Variants in MLKL observed in about 807,000 individuals in gnomAD.
MLKL encodes the protein mixed lineage kinase domain like pseudokinase.
A neutral mutation model predicts 56.5 loss-of-function variants in MLKL; 55 were observed. The observed-to-expected ratio is 0.97, with a 90% confidence interval of 0.78 to 1.22. MLKL has a LOEUF of 1.22. MLKL is among the 50% of genes most tolerant of loss of function. The pLI, the probability that MLKL is intolerant of heterozygous loss-of-function variation, is 0.00. For synonymous variants in MLKL, 251 were observed against 208.3 expected, an observed-to-expected ratio of 1.20 and a Z score of -1.76; for missense variants, 694 against 573.9, an observed-to-expected ratio of 1.21 and a Z score of -2.14.
Position 74,686,948 on chromosome 16 carries a change from C to G in MLKL, c.723-1365G>C, listed in dbSNP as rs140968060. On this transcript the variant is annotated intron_variant, in intron 4 of 10. Transcript: ENST00000308807. Reference sequence around the variant, plus strand: ...AAGTCTCACCCTGAAAATTTTGTACCTAAATTGTTGAAAGAATTTTGTTTT... The same window carrying G: ...AAGTCTCACCCTGAAAATTTTGTACGTAAATTGTTGAAAGAATTTTGTTTT... Among the ~76,000 whole-genome samples, 15 of 152,186 alleles carry G rather than the reference C, an allele frequency of 9.9e-5. No individual in the cohort carries two copies. In the East Asian group the frequency reaches 2.9e-3, roughly 29 times the overall value.
Position 74,698,086 on chromosome 16 carries a change from T to A in MLKL, c.-2-2327A>T, listed in dbSNP as rs117735118. On this transcript the variant is annotated intron_variant, in intron 1 of 10. Transcript: ENST00000308807. ...TGGATGTGGTGGTGCTTGCCTGTAG[T>A]CCCAGCTACTCTGGAGCCTGAGGAG... Among the ~76,000 whole-genome samples, 1,443 of 151,954 alleles carry A rather than the reference T, an allele frequency of 9.5e-3. 7 individuals carry two copies. The highest frequency in any genetic ancestry group is 0.015 in the Non-Finnish European group (1,026 of 67,968).
intron 4 of MLKL, among the ~76,000 whole-genome samples, chr16:74,687,812 G>A (rs1018909778): frequency 2.0e-5 from 3 of 151,908 alleles, no homozygotes; most frequent in African/African-American, 4.8e-5. Context: ...GGGACTACAG[G>A]TGCCTGCCAC....
At chr16:74,697,416 T>C (rs1961109328) in intron 1 of MLKL, among the ~76,000 whole-genome samples, 1 of 152,208 alleles carries the variant, frequency 6.6e-6, no homozygotes, top group East Asian at 1.9e-4. Context: ...TTGCTTTATT[T>C]GCAACTGAAG....
In MLKL at chr16:74,695,581, G is replaced by C; in HGVS notation, c.177C>G (p.Thr59=). 6.2e-7 allele frequency: 1 copy of C among 1,614,206 alleles called. No homozygotes were observed. The highest frequency in any genetic ancestry group is 8.5e-7 in the Non-Finnish European group (1 of 1,180,048). The change falls in exon 2 of 11, where the codon ACC becomes ACG. Residue 59 remains threonine, a synonymous_variant. Coordinates refer to ENST00000308807, the MANE Select transcript of MLKL (RefSeq NM_152649.4). ...GKRSVPSEKL[T]TAMNRFKAAL... The stretch of plus-strand genomic sequence containing the variant: ...CAGCCTTGAAGCGGTTCATGGCTGT[G>C]GTTAACTTCTCAGAGGGCACGCTCC...
chr16:74,695,550 C>A lies in MLKL; in HGVS notation c.208G>T (p.Glu70Ter), dbSNP rs1341252206. 6.2e-7 allele frequency: 1 copy of A among 1,614,082 alleles called. No individual in the cohort carries two copies. The highest frequency in any genetic ancestry group is 8.5e-7 in the Non-Finnish European group (1 of 1,180,062). Reference protein sequence around the residue: ...TAMNRFKAALEEANGEIEKFS... With the variant: ...TAMNRFKAAL Reference sequence around the variant, plus strand: ...TTTTCTATCTCCCCATTAGCCTCCTCCAGGGCAGCCTTGAAGCGGTTCATG... The same window carrying A: ...TTTTCTATCTCCCCATTAGCCTCCTACAGGGCAGCCTTGAAGCGGTTCATG... The change falls in exon 2 of 11, where the codon GAG becomes TAG. Residue 70 changes from glutamate to a stop codon, truncating the protein, a stop_gained. Transcript: ENST00000308807. LOFTEE classifies it high-confidence loss of function.
At chr16:74,698,295 G>C (rs1961172343) in intron 1 of MLKL, among the ~76,000 whole-genome samples, 1 of 151,994 alleles carries the variant, frequency 6.6e-6, no homozygotes, top group Non-Finnish European at 1.5e-5. Context: ...GAAATAGGTA[G>C]GTTAAGTATT....
chr16:74,684,000 T>C (rs1709145060), intron 5 of MLKL, among the ~76,000 whole-genome samples: 1 of 152,126 alleles, frequency 6.6e-6, no homozygotes, highest in Non-Finnish European at 1.5e-5. Context: ...CAGGCTGGAG[T>C]GCAGTGGCAT....
chr16:74,688,574 C>T (rs1338303079), intron 4 of MLKL, among the ~76,000 whole-genome samples: 2 of 151,876 alleles, frequency 1.3e-5, no homozygotes, highest in Non-Finnish European at 2.9e-5. Flanking sequence ...ATTAACTGGG[C>T]CTGGTGGTGC....
At chr16:74,695,213 C>A in intron 2 of MLKL, 85 bp downstream of exon 2, 1 of 1,397,662 alleles carries the variant, frequency 7.2e-7, no homozygotes, top group Non-Finnish European at 9.8e-7. Flanking sequence ...GCTCAAACTT[C>A]ATCATTGCTG....
At chr16:74,676,428 A>G in intron 7 of MLKL, 1 of 985,442 alleles carries the variant, frequency 1.0e-6, no homozygotes, top group Non-Finnish European at 1.2e-6. Flanking sequence ...ACCCAAATCT[A>G]GGGGCAATGT....
At chr16:74,680,134 G>A (rs532064407) in intron 6 of MLKL, among the ~76,000 whole-genome samples, 46 of 152,290 alleles carry the variant, frequency 3.0e-4, no homozygotes, top group African/African-American at 1.0e-3. Flanking sequence ...GGGTGAAAGG[G>A]CTCCAGTGCC....
chr16:74,676,141 G>A lies in MLKL; in HGVS notation c.1039-377C>T, dbSNP rs528527964. 3.4e-3 allele frequency: 1,779 copies of A among 529,552 alleles called. 6 individuals carry two copies. Among genetic ancestry groups the A allele is most frequent in the Non-Finnish European group, 3.5e-3 (1,430 of 406,950 alleles). The allele number at this position is 529,552 out of a possible 1,614,324, so 32.8% of individuals were successfully genotyped here. A position where few individuals can be genotyped will look rare whatever the true frequency, so the allele number is the denominator to read the frequency against. On this transcript the variant is annotated intron_variant, in intron 7 of 10. Coordinates refer to ENST00000308807, the MANE Select transcript of MLKL (RefSeq NM_152649.4). Reference sequence around the variant, plus strand: ...CTCCACTCAGTGAGAGTGGAGAGGGGTCATAGAGCCACTGCCTGGCTCGCC... The same window carrying A: ...CTCCACTCAGTGAGAGTGGAGAGGGATCATAGAGCCACTGCCTGGCTCGCC...
chr16:74,678,799 AAACT>A (rs1959763265), intron 7 of MLKL, 96 bp downstream of exon 7: 1 of 843,898 alleles, frequency 1.2e-6, no homozygotes, highest in Non-Finnish European at 1.9e-6. Context: ...ATAAATAAAT[AAACT>A]AAGACAAGAA....
At chr16:74,685,725 C>T (rs1321006297) in intron 4 of MLKL, 142 bp from the exon 5 acceptor site, 2 of 659,578 alleles carry the variant, frequency 3.0e-6, no homozygotes, top group African/African-American at 1.8e-5. Context: ...AACTCAGCTA[C>T]TGATAACAAC....
At chr16:74,674,908 A>G (rs978828780) in intron 10 of MLKL, 52 bp downstream of exon 10, 2 of 1,577,310 alleles carry the variant, frequency 1.3e-6, no homozygotes, top group Non-Finnish European at 1.7e-6. Flanking sequence ...AATCTTTCAC[A>G]AGTGTGAAAT....
At chr16:74,687,035 G>A (rs1353626918) in intron 4 of MLKL, among the ~76,000 whole-genome samples, 3 of 152,148 alleles carry the variant, frequency 2.0e-5, no homozygotes, top group African/African-American at 7.2e-5. Context: ...GAGTGCAATG[G>A]CATGATCTCG....
chr16:74,684,501 T>C (rs143219332), intron 5 of MLKL, among the ~76,000 whole-genome samples: 1 of 151,266 alleles, frequency 6.6e-6, no homozygotes, highest in Non-Finnish European at 1.5e-5. Context: ...TGGTTTTTTT[T>C]TTTGTTTGTT....
At chr16:74,682,825 A>G in intron 5 of MLKL, 39 bp from the exon 6 acceptor site, 1 of 1,609,966 alleles carries the variant, frequency 6.2e-7, no homozygotes, top group Non-Finnish European at 8.5e-7. Flanking sequence ...GACCCGCCCT[A>G]CTTGAAGCTT....
intron 4 of MLKL, among the ~76,000 whole-genome samples, chr16:74,689,313 A>G (rs1960525783): frequency 6.6e-6 from 1 of 151,848 alleles, no homozygotes; most frequent in Non-Finnish European, 1.5e-5. Context: ...ACGGGGTTTC[A>G]CCATGTTGGC....
Sources: allele counts gnomAD v4.1 joint callset (sites outside exome capture counted in the v4.1 genomes callset), GRCh38; gene constraint gnomAD v4.1.1; transcripts MANE v1.5; gene names NCBI Gene and HGNC (gene_info 2026-07-23, HGNC 2026-07-21).